Variants in HTR1F observed in about 807,000 individuals in gnomAD.
HTR1F encodes the protein 5-hydroxytryptamine (serotonin) receptor 1F, G protein-coupled.
A neutral mutation model predicts 24.0 loss-of-function variants in HTR1F; 17 were observed. The ratio of observed to expected loss-of-function variants is 0.71; its 90% CI spans 0.48 to 1.06. The LOEUF (loss-of-function observed/expected upper bound fraction) is 1.06. Among genes scored for constraint, HTR1F ranks in the 50% least tolerant of loss-of-function variants. The pLI, the probability that HTR1F is intolerant of heterozygous loss-of-function variation, is 0.00. For synonymous variants in HTR1F, 186 were observed against 156.8 expected, an observed-to-expected ratio of 1.19 and a Z score of -1.39; for missense variants, 391 against 427.8, an observed-to-expected ratio of 0.91 and a Z score of 0.76.
intron 2 of HTR1F, among the ~76,000 whole-genome samples, chr3:87,938,271 G>A (rs574294487): frequency 9.9e-5 from 15 of 152,246 alleles, no homozygotes; most frequent in East Asian, 7.7e-4. Flanking sequence ...CTACAAAACT[G>A]CTCAAAGAAA....
intron 2 of HTR1F, among the ~76,000 whole-genome samples, chr3:87,850,737 GA>G (rs1446476476): frequency 6.6e-6 from 1 of 150,704 alleles, no homozygotes; most frequent in Non-Finnish European, 1.5e-5. Flanking sequence ...AAATCATAAA[GA>G]AAAACATATG....
intron 2 of HTR1F, among the ~76,000 whole-genome samples, chr3:87,931,830 G>C (rs1704280780): frequency 6.7e-6 from 1 of 149,298 alleles, no homozygotes; most frequent in African/African-American, 2.5e-5. Context: ...GTGTCTTTTG[G>C]CTGCATAAAT....
At position 87,922,892 on chromosome 3, in the gene HTR1F, TCA is replaced by T. The variant is rs1704041406; in HGVS notation, c.-42-67813_-42-67812del. 9.2e-5 allele frequency among the ~76,000 whole-genome samples: 14 copies of T among 151,678 alleles called. No individual in the cohort carries two copies. The South Asian group carries it at 2.7e-3, about 29-fold the overall frequency. On this transcript the variant is annotated intron_variant, in intron 2 of 2. Coordinates refer to ENST00000319595, the MANE Select transcript of HTR1F (RefSeq NM_001322209.2). ...TGGTCTATGTTTTCTTCTAGTCATT[TCA>T]CAGTTTTGGGTCTTACATGTAAGTC...
chr3:87,861,937 A>C (rs992941884), intron 2 of HTR1F, among the ~76,000 whole-genome samples: 1 of 152,110 alleles, frequency 6.6e-6, no homozygotes, highest in Non-Finnish European at 1.5e-5. Flanking sequence ...AGGTCCATTT[A>C]TTTCTTTATC....
rs557284909 is a variant in HTR1F at position 87,885,444 on chromosome 3, A to G, written c.-43+63320A>G. Among the ~76,000 whole-genome samples the G allele has an allele frequency of 4.6e-5, 7 of 152,322 alleles. No individual in the cohort carries two copies. The East Asian group carries it at 5.8e-4, about 13-fold the overall frequency. ...CACAATTAAAAGAACTAGAGAAGCA[A>G]CAGCAAACAAATTCAAAAGCGAGCA... is the stretch of plus-strand genomic sequence containing the variant. On this transcript the variant is annotated intron_variant, in intron 2 of 2. Coordinates refer to ENST00000319595, the MANE Select transcript of HTR1F (RefSeq NM_001322209.2).
chr3:87,910,381 T>C (rs1471153920), intron 2 of HTR1F: 2 of 151,876 alleles, frequency 1.3e-5, no homozygotes, highest in African/African-American at 4.8e-5. Flanking sequence ...AAAAAGACAA[T>C]TACATAACAG....
chr3:87,949,753 G>C (rs1354607022), intron 2 of HTR1F, among the ~76,000 whole-genome samples: 1 of 152,126 alleles, frequency 6.6e-6, no homozygotes, highest in African/African-American at 2.4e-5. Flanking sequence ...AGAGGCCATA[G>C]TTTTCAAGTA....
At chr3:87,867,824 C>T (rs1327356299) in intron 2 of HTR1F, among the ~76,000 whole-genome samples, 1 of 152,074 alleles carries the variant, frequency 6.6e-6, no homozygotes, top group Admixed American at 6.6e-5. Flanking sequence ...GGGTCTTGAT[C>T]TATAATAATT....
chr3:87,818,632 C>G (rs1458340446), intron 1 of HTR1F, among the ~76,000 whole-genome samples: 1 of 152,204 alleles, frequency 6.6e-6, no homozygotes, highest in Non-Finnish European at 1.5e-5. Context: ...CCCCTGTCCT[C>G]TGTTTCCTTA....
At chr3:87,825,524 C>A (rs140168369) in intron 2 of HTR1F, among the ~76,000 whole-genome samples, 65 of 152,232 alleles carry the variant, frequency 4.3e-4, no homozygotes, top group Non-Finnish European at 8.5e-4. Context: ...CCAGAAGAGT[C>A]ATTCCTTAAT....
chr3:87,916,132 C>T (rs772950417), intron 2 of HTR1F, among the ~76,000 whole-genome samples: 2 of 151,776 alleles, frequency 1.3e-5, no homozygotes, highest in Non-Finnish European at 2.9e-5. Context: ...AGAAAAGATA[C>T]AGTCTTTTTC....
intron 2 of HTR1F, among the ~76,000 whole-genome samples, chr3:87,989,080 CT>C (rs1705745285): frequency 6.6e-6 from 1 of 152,010 alleles, no homozygotes; most frequent in Non-Finnish European, 1.5e-5. Flanking sequence ...CCATATTGTC[CT>C]TTCCTAAAAT....
intron 2 of HTR1F, among the ~76,000 whole-genome samples, chr3:87,903,360 T>G: frequency 6.6e-6 from 1 of 151,446 alleles, no homozygotes; most frequent in Non-Finnish European, 1.5e-5. Flanking sequence ...GGGAGAAAAT[T>G]TTCGCAACCT....
intron 1 of HTR1F, among the ~76,000 whole-genome samples, chr3:87,808,348 G>A (rs537239417): frequency 1.3e-5 from 2 of 151,956 alleles, no homozygotes; most frequent in African/African-American, 4.8e-5. Context: ...ATCTTGGTCA[G>A]TTGTATGAGT....
chr3:87,886,203 C>T (rs758459752), intron 2 of HTR1F, among the ~76,000 whole-genome samples: 8 of 152,096 alleles, frequency 5.3e-5, no homozygotes, highest in African/African-American at 1.7e-4. Flanking sequence ...AATCAATAAA[C>T]GTAATCCATC....
At chr3:87,877,847 C>A (rs920948651) in intron 2 of HTR1F, among the ~76,000 whole-genome samples, 2 of 152,126 alleles carry the variant, frequency 1.3e-5, no homozygotes, top group Non-Finnish European at 2.9e-5. Context: ...GATAAGAGAA[C>A]GGGGAAATGT....
At chr3:87,824,301 C>T (rs1704418940) in intron 2 of HTR1F, among the ~76,000 whole-genome samples, 1 of 152,134 alleles carries the variant, frequency 6.6e-6, no homozygotes, top group South Asian at 2.1e-4. Flanking sequence ...TTACCTTTGT[C>T]CAACCCATCA....
intron 2 of HTR1F, among the ~76,000 whole-genome samples, chr3:87,825,135 C>G (rs1421772371): frequency 1.3e-5 from 2 of 152,170 alleles, no homozygotes; most frequent in African/African-American, 2.4e-5. Flanking sequence ...TTTGCCTTAA[C>G]AACTTTTCAG....
intron 2 of HTR1F, among the ~76,000 whole-genome samples, chr3:87,904,065 T>G (rs1703597736): frequency 1.3e-5 from 2 of 152,028 alleles, no homozygotes; most frequent in South Asian, 4.1e-4. Context: ...AAGAAAAGAC[T>G]TGAACCAATA....
Sources: gnomAD v4.1 joint callset for allele counts (sites outside exome capture counted in the v4.1 genomes callset) on GRCh38, gnomAD v4.1.1 for gene constraint, MANE v1.5 for transcripts, NCBI Gene and HGNC (gene_info 2026-07-23, HGNC 2026-07-21) for gene names.